SLC14A2: variants seen among roughly 807,000 people sequenced by gnomAD.
SLC14A2 encodes the protein urea transporter 2.
Under a neutral mutation model 104.6 loss-of-function variants are expected in SLC14A2, and 91 were observed. The ratio of observed to expected loss-of-function variants is 0.87; its 90% CI spans 0.73 to 1.04. SLC14A2 has a LOEUF of 1.04. Among genes scored for constraint, SLC14A2 ranks in the 50% least tolerant of loss-of-function variants. The pLI, the probability that SLC14A2 is intolerant of heterozygous loss-of-function variation, is 0.00. For synonymous variants in SLC14A2, 476 were observed against 466.4 expected (o/e 1.02, Z -0.27); for missense variants, 1,189 against 1,156.0 (o/e 1.03, Z -0.41).
chr18:45,559,305 G>C (rs2044173305), intron 2 of SLC14A2, among the ~76,000 whole-genome samples: 1 of 152,210 alleles, frequency 6.6e-6, no homozygotes, highest in Admixed American at 6.5e-5. Flanking sequence ...TGAAGATCAA[G>C]AATTGTCATT....
intron 1 of SLC14A2, among the ~76,000 whole-genome samples, chr18:45,276,302 A>T (rs1005356047): frequency 1.3e-5 from 2 of 152,246 alleles, no homozygotes; most frequent in Non-Finnish European, 2.9e-5. Context: ...ACCCAATAGA[A>T]ATACAGAATT....
At chr18:45,198,478 G>A in the SLC14A2 span, among the ~76,000 whole-genome samples, 11 of 151,978 alleles carry the variant, frequency 7.2e-5, no homozygotes, top group Non-Finnish European at 5.9e-5. Flanking sequence ...AATAGGCATC[G>A]ATGCTATATA....
At chr18:45,470,769 A>C (rs977316203) in intron 1 of SLC14A2, among the ~76,000 whole-genome samples, 9 of 152,112 alleles carry the variant, frequency 5.9e-5, no homozygotes, top group South Asian at 4.1e-4. Context: ...CATGATGATG[A>C]CGATGATGAT....
chr18:45,398,638 C>A (rs759877434), intron 1 of SLC14A2, among the ~76,000 whole-genome samples: 2 of 152,122 alleles, frequency 1.3e-5, no homozygotes, highest in African/African-American at 2.4e-5. Context: ...GAAACTCTGA[C>A]ACGCGCTGCA....
In SLC14A2 at chr18:45,668,039, C is replaced by A. The variant is rs2144634870; in HGVS notation, c.1907+17C>A. ...TCAGGACAAGTAAGTCCCAGAGGCT[C>A]AGGGTCCAAACATGTAGCCAAGAAG... is the stretch of plus-strand genomic sequence containing the variant. On this transcript the variant is annotated intron_variant, in intron 14 of 19. Transcript: ENST00000255226. 1.2e-6 allele frequency: 2 copies of A among 1,612,372 alleles called. No individual in the cohort carries two copies. Among genetic ancestry groups the A allele is most frequent in the East Asian group, 2.2e-5 (1 of 44,864 alleles).
rs542561460 is a variant in SLC14A2, at chr18:45,396,640, TTCTTTTTTCCC to T, written c.-124-86573_-124-86563del. ...TGGTTTTTTTTTGTTTTTGTTTTTT[TTCTTTTTTCCC>T]TCTTTTTTCCCTCTTTTTTTTTAAC... is the stretch of plus-strand genomic sequence containing the variant. On this transcript the variant is annotated intron_variant, in intron 1 of 20. Transcript: ENST00000586448. 9.1e-3 allele frequency among the ~76,000 whole-genome samples: 1,378 copies of T among 151,584 alleles called. 10 individuals are homozygous for T. Among genetic ancestry groups the T allele is most frequent in the African/African-American group, 0.017 (695 of 41,294 alleles).
chr18:45,586,818 G>A (rs907910428), intron 2 of SLC14A2, among the ~76,000 whole-genome samples: 1 of 152,098 alleles, frequency 6.6e-6, no homozygotes, highest in Non-Finnish European at 1.5e-5. Flanking sequence ...CCCTTCCCAA[G>A]GGACACTGTC....
At chr18:45,399,233 C>A (rs2086069064) in intron 1 of SLC14A2, among the ~76,000 whole-genome samples, 1 of 152,150 alleles carries the variant, frequency 6.6e-6, no homozygotes, top group African/African-American at 2.4e-5. Context: ...TATGCTACAC[C>A]TGGTAGAGCA....
chr18:45,443,079 AT>A (rs2086706188), intron 1 of SLC14A2, among the ~76,000 whole-genome samples: 6 of 152,234 alleles, frequency 3.9e-5, no homozygotes. Context: ...AAATTTAACC[AT>A]GAGATTTATC....
intron 2 of SLC14A2, among the ~76,000 whole-genome samples, chr18:45,606,450 C>T (rs2044869591): frequency 1.3e-5 from 2 of 152,108 alleles, no homozygotes; most frequent in Non-Finnish European, 2.9e-5. Context: ...CTCCGCAAAA[C>T]TGATCTACCA....
the SLC14A2 span, among the ~76,000 whole-genome samples, chr18:45,187,263 G>GGT: frequency 6.6e-6 from 1 of 152,010 alleles, no homozygotes; most frequent in African/African-American, 2.4e-5. Context: ...TGGTTGACTG[G>GGT]GTAGACAGAC....
chr18:45,379,032 A>G (rs1198033307), intron 1 of SLC14A2, among the ~76,000 whole-genome samples: 1 of 152,214 alleles, frequency 6.6e-6, no homozygotes, highest in African/African-American at 2.4e-5. Flanking sequence ...AAAGTGACTG[A>G]ATCTTGTTAA....
chr18:45,566,088 C>A (rs765637079), intron 2 of SLC14A2, among the ~76,000 whole-genome samples: 4 of 152,150 alleles, frequency 2.6e-5, no homozygotes, highest in Non-Finnish European at 5.9e-5. Context: ...TGAGTTGTGA[C>A]AGGTAAGGAA....
intron 1 of SLC14A2, among the ~76,000 whole-genome samples, chr18:45,276,745 T>C (rs142840002): frequency 5.3e-5 from 8 of 152,302 alleles, no homozygotes; most frequent in African/African-American, 1.9e-4. Flanking sequence ...ACTCCTAAGT[T>C]ACATTTTATT....
At chr18:45,458,018 T>C (rs1489967983) in intron 1 of SLC14A2, among the ~76,000 whole-genome samples, 2 of 152,034 alleles carry the variant, frequency 1.3e-5, no homozygotes, top group African/African-American at 4.8e-5. Context: ...GAGAATGGTG[T>C]TGGAAAAAAA....
At chr18:45,285,268 AT>A (rs2084802008) in intron 1 of SLC14A2, among the ~76,000 whole-genome samples, 1 of 152,084 alleles carries the variant, frequency 6.6e-6, no homozygotes, top group Non-Finnish European at 1.5e-5. Context: ...AATTTTACTT[AT>A]TTTTTGATAT....
intron 1 of SLC14A2, among the ~76,000 whole-genome samples, chr18:45,243,848 TCAC>T (rs2084342187): frequency 6.6e-6 from 1 of 152,204 alleles, no homozygotes; most frequent in South Asian, 2.1e-4. Context: ...GTTACTGTGC[TCAC>T]CAAGAAGCCT....
intron 16 of SLC14A2, among the ~76,000 whole-genome samples, chr18:45,670,780 C>G (rs2046119213): frequency 6.6e-6 from 1 of 152,208 alleles, no homozygotes; most frequent in Non-Finnish European, 1.5e-5. Context: ...CCCACCTCAG[C>G]CTTCTGAGTA....
chr18:45,617,130 T>G (rs2045085629), intron 1 of SLC14A2, among the ~76,000 whole-genome samples: 1 of 152,098 alleles, frequency 6.6e-6, no homozygotes, highest in African/African-American at 2.4e-5. Context: ...AAGAAGGGTG[T>G]GACGATCTCC....
Sources: allele counts gnomAD v4.1 joint callset (sites outside exome capture counted in the v4.1 genomes callset), GRCh38; gene constraint gnomAD v4.1.1; transcripts MANE v1.5; gene names NCBI Gene and HGNC (gene_info 2026-07-23, HGNC 2026-07-21).